Variants in MAF observed in about 807,000 individuals in gnomAD.
The protein encoded by MAF is MAF bZIP transcription factor, also known as transcription factor Maf.
A neutral mutation model predicts 22.0 loss-of-function variants in MAF; 10 were observed. The ratio of observed to expected loss-of-function variants is 0.45; its 90% CI spans 0.28 to 0.77. MAF has a LOEUF of 0.77. Ranked by LOEUF, MAF falls within the 30% of genes least tolerant of loss-of-function variation. MAF has a pLI of 0.12. For synonymous variants in MAF, 337 were observed against 255.8 expected, an observed-to-expected ratio of 1.32 and a Z score of -3.03; for missense variants, 544 against 548.4, an observed-to-expected ratio of 0.99 and a Z score of 0.08.
chr16:79,398,175 A>G, the MAF span, among the ~76,000 whole-genome samples: 3 of 151,350 alleles, frequency 2.0e-5, no homozygotes, highest in South Asian at 6.3e-4. Context: ...AATCACTCCA[A>G]CCTCTGCTTC....
chr16:79,294,313 C>A, the MAF span, among the ~76,000 whole-genome samples: 28 of 152,292 alleles, frequency 1.8e-4, 1 homozygote, highest in Middle Eastern at 6.8e-3. Flanking sequence ...GGAACTATGA[C>A]AATCATTGCT....
At chr16:79,290,276 G>A in the MAF span, among the ~76,000 whole-genome samples, 237 of 152,256 alleles carry the variant, frequency 1.6e-3, 3 homozygotes, top group African/African-American at 5.5e-3. Context: ...CAACAACACC[G>A]AGCTTTTATC....
the MAF span, among the ~76,000 whole-genome samples, chr16:79,357,730 C>G: frequency 4.6e-5 from 7 of 152,042 alleles, no homozygotes; most frequent in Non-Finnish European, 7.4e-5. Flanking sequence ...GGTGACTACT[C>G]AGGGAATAGC....
At chr16:79,276,781 G>A in the MAF span, among the ~76,000 whole-genome samples, 16 of 152,200 alleles carry the variant, frequency 1.1e-4, no homozygotes, top group African/African-American at 2.2e-4. Flanking sequence ...ACCATAAAAC[G>A]CATGGCCTAG....
chr16:79,592,040 A>G (rs569759651), downstream of MAF, among the ~76,000 whole-genome samples: 2 of 152,342 alleles, frequency 1.3e-5, no homozygotes, highest in African/African-American at 4.8e-5. Flanking sequence ...TTAGCCACGG[A>G]GCAAGTGAAA....
the MAF span, among the ~76,000 whole-genome samples, chr16:79,462,726 C>G: frequency 6.6e-6 from 1 of 152,156 alleles, no homozygotes; most frequent in Non-Finnish European, 1.5e-5. Context: ...CTCTTGTGAC[C>G]CATGCTCTCT....
chr16:79,557,724 GTGCAATTTTTCATTTATTCAAC>G, the MAF span, among the ~76,000 whole-genome samples: 1 of 152,016 alleles, frequency 6.6e-6, no homozygotes, highest in Non-Finnish European at 1.5e-5. Context: ...CAAAGTTCAT[GTGCAATTTTTCATTTATTCAAC>G]TCATATGTGT....
At chr16:79,221,732 T>A in the MAF span, among the ~76,000 whole-genome samples, 1 of 151,686 alleles carries the variant, frequency 6.6e-6, no homozygotes, top group Admixed American at 6.6e-5. Context: ...TGTGTGCACG[T>A]GTGTACGTAT....
At chr16:79,569,352 G>A in the MAF span, among the ~76,000 whole-genome samples, 4 of 152,192 alleles carry the variant, frequency 2.6e-5, no homozygotes, top group South Asian at 8.3e-4. Flanking sequence ...GCATCCTCCA[G>A]TTGAGACCCA....
the MAF span, among the ~76,000 whole-genome samples, chr16:79,502,724 T>TAAATATAA: frequency 7.9e-4 from 75 of 94,872 alleles, no homozygotes; most frequent in South Asian, 4.2e-3. Flanking sequence ...TATATATATA[T>TAAATATAA]ATATATATAT....
intron 1 of MAF, chr16:79,596,666 A>G: frequency 1.9e-6 from 2 of 1,037,088 alleles, no homozygotes; most frequent in Non-Finnish European, 2.3e-6. Flanking sequence ...TTATTGTGGT[A>G]AGATTTACTT....
the MAF span, among the ~76,000 whole-genome samples, chr16:79,501,901 T>G: frequency 6.6e-6 from 1 of 152,208 alleles, no homozygotes; most frequent in Non-Finnish European, 1.5e-5. Flanking sequence ...CTCTGTATTT[T>G]TCCCCCGCCA....
the MAF span, among the ~76,000 whole-genome samples, chr16:79,400,469 G>C: frequency 6.6e-6 from 1 of 152,256 alleles, no homozygotes; most frequent in African/African-American, 2.4e-5. Context: ...TCATAGCACA[G>C]TGCCTGGCCT....
At chr16:79,433,788 T>G in the MAF span, among the ~76,000 whole-genome samples, 2 of 152,154 alleles carry the variant, frequency 1.3e-5, no homozygotes, top group Non-Finnish European at 2.9e-5. Flanking sequence ...CTAGCGGTGT[T>G]TTAAAAATTG....
chr16:79,596,440 G>A, intron 1 of MAF: 4 of 1,054,722 alleles, frequency 3.8e-6, no homozygotes, highest in Non-Finnish European at 3.4e-6. Flanking sequence ...GAGGTTGTTG[G>A]GCCCAGTTAA....
chr16:79,226,697 G>A, the MAF span, among the ~76,000 whole-genome samples: 2 of 152,000 alleles, frequency 1.3e-5, no homozygotes, highest in African/African-American at 4.8e-5. Context: ...TTATCTCTGG[G>A]TAGAGGACAT....
the MAF span, among the ~76,000 whole-genome samples, chr16:79,416,779 C>T: frequency 6.6e-6 from 1 of 152,140 alleles, no homozygotes; most frequent in African/African-American, 2.4e-5. Context: ...AGCTTGCTAC[C>T]CTCTCCCTGT....
chr16:79,365,226 A>G, the MAF span, among the ~76,000 whole-genome samples: 4 of 152,150 alleles, frequency 2.6e-5, no homozygotes, highest in African/African-American at 9.7e-5. Flanking sequence ...TTTCTTTGGT[A>G]AGTTTGCTCT....
chr16:79,374,236 C>T, the MAF span, among the ~76,000 whole-genome samples: 2 of 152,156 alleles, frequency 1.3e-5, no homozygotes, highest in Admixed American at 1.3e-4. Context: ...CATATCTTTC[C>T]TGCATAACCA....
Sources: gnomAD v4.1 joint callset for allele counts (sites outside exome capture counted in the v4.1 genomes callset) on GRCh38, gnomAD v4.1.1 for gene constraint, MANE v1.5 for transcripts, NCBI Gene and HGNC (gene_info 2026-07-23, HGNC 2026-07-21) for gene names.